Variants in TESMIN observed in about 807,000 individuals in gnomAD.
TESMIN encodes CXC domain containing 2.
Under a neutral mutation model 47.4 loss-of-function variants are expected in TESMIN, and 34 were observed. The observed-to-expected ratio is 0.72, with a 90% confidence interval of 0.55 to 0.96. The LOEUF is 0.96. Among genes scored for constraint, TESMIN ranks in the 40% least tolerant of loss-of-function variants. The probability of loss-of-function intolerance (pLI) is 0.00; values close to 1 mark genes in which losing one functional copy is unlikely to be tolerated. For synonymous variants in TESMIN, 278 were observed against 258.9 expected (o/e 1.07, Z -0.71); for missense variants, 610 against 637.2 (o/e 0.96, Z 0.46).
chr11:68,713,993 G>C (rs1375511008), intron 7 of TESMIN, among the ~76,000 whole-genome samples: 3 of 152,052 alleles, frequency 2.0e-5, no homozygotes, highest in Admixed American at 2.0e-4. Context: ...TCAACCGCTG[G>C]GCCATGCCTT....
rs57435562 is a variant in TESMIN at position 68,743,234 on chromosome 11, CTTT to C, written c.752-843_752-841del. ...CATCTATTGGATACCACAGGAACTA[CTTT>C]TTTTTTTTTTTTTTTTTTTGAGACA... On this transcript the variant is annotated intron_variant, in intron 4 of 9. Transcript: ENST00000255087. Among the ~76,000 whole-genome samples the C allele has an allele frequency of 8.8e-3, 1,083 of 123,028 alleles. 12 individuals carry two copies. The highest frequency in any genetic ancestry group is 0.031 in the African/African-American group (1,019 of 32,868). The allele number at this position is 123,028 out of a possible 152,430, so 80.7% of individuals were successfully genotyped here.
At chr11:68,717,861 A>T (rs1038650677) in intron 6 of TESMIN, among the ~76,000 whole-genome samples, 1 of 152,154 alleles carries the variant, frequency 6.6e-6, no homozygotes, top group African/African-American at 2.4e-5. Context: ...GGCGTGGGAT[A>T]TGATAATGAA....
chr11:68,734,705 A>G (rs1946367111), intron 6 of TESMIN, among the ~76,000 whole-genome samples: 2 of 152,334 alleles, frequency 1.3e-5, no homozygotes, highest in South Asian at 4.1e-4. Flanking sequence ...CCCCAGAGCT[A>G]GAACAGCACC....
At chr11:68,718,313 A>G (rs1012137313) in intron 6 of TESMIN, among the ~76,000 whole-genome samples, 9 of 152,230 alleles carry the variant, frequency 5.9e-5, no homozygotes, top group African/African-American at 2.2e-4. Flanking sequence ...CTAGGAGGAA[A>G]GTGGTATCAA....
At chr11:68,710,818 C>T in intron 9 of TESMIN, 56 bp downstream of exon 9, 1 of 1,469,960 alleles carries the variant, frequency 6.8e-7, no homozygotes, top group Non-Finnish European at 9.2e-7. Context: ...CGTTAATTCT[C>T]CTCTCAAATT....
chr11:68,751,164 C>CA (rs1247252422), intron 1 of TESMIN, among the ~76,000 whole-genome samples: 1 of 55,498 alleles, frequency 1.8e-5, no homozygotes, highest in Non-Finnish European at 3.3e-5. Flanking sequence ...AGGGGCCGGC[C>CA]GGGGTGGGGG....
chr11:68,715,939 C>T lies in TESMIN; in HGVS notation c.918G>A (p.Gly306=), dbSNP rs773523400. The change falls in exon 7 of 10, where the codon GGG becomes GGA. Residue 306 remains glycine, a splice_region_variant and synonymous_variant. Coordinates refer to ENST00000255087, the MANE Select transcript of TESMIN (RefSeq NM_004923.3). ...LPGPPKITLA[G]YCDCFASGDF... ...CCCCACTGGCAAAGCAGTCACAGTA[C>T]CTGTGAAGGAAAGGACAGAGTGAGT... 3 of 1,593,808 alleles carry T rather than the reference C, an allele frequency of 1.9e-6. No individual in the cohort carries two copies. The highest frequency in any genetic ancestry group is 2.7e-5 in the African/African-American group (2 of 74,446).
At chr11:68,729,415 C>G (rs1027061168) in intron 6 of TESMIN, among the ~76,000 whole-genome samples, 1 of 151,718 alleles carries the variant, frequency 6.6e-6, no homozygotes, top group Non-Finnish European at 1.5e-5. Flanking sequence ...ATCCCAGCTA[C>G]TTGGGAGGCT....
Position 68,707,722 on chromosome 11 carries a change from CG to C in TESMIN, c.*585del. 2 of 426,030 alleles carry C rather than the reference CG, an allele frequency of 4.7e-6. No homozygotes were observed. Among genetic ancestry groups the C allele is most frequent in the African/African-American group, 2.0e-5 (1 of 49,416 alleles). The allele number at this position is 426,030 out of a possible 1,614,324, so 26.4% of individuals were successfully genotyped here. ...GCGAGGCCCCATTGCCTGCGTCTCCCGGGGGCCTTAGGAAAGACTGACAGTT... is the reference window on the plus strand; with the variant it reads ...GCGAGGCCCCATTGCCTGCGTCTCCCGGGGCCTTAGGAAAGACTGACAGTT... On this transcript the variant is annotated 3_prime_UTR_variant, in exon 10 of 10. Coordinates refer to ENST00000255087, the MANE Select transcript of TESMIN (RefSeq NM_004923.3).
downstream of TESMIN, among the ~76,000 whole-genome samples, chr11:68,704,926 G>T (rs1338902027): frequency 6.6e-6 from 1 of 152,208 alleles, no homozygotes; most frequent in Admixed American, 6.5e-5. Flanking sequence ...TCCATGCAAT[G>T]ACAGTCTTCA....
chr11:68,705,327 G>A (rs1339602194), downstream of TESMIN, among the ~76,000 whole-genome samples: 4 of 152,148 alleles, frequency 2.6e-5, no homozygotes, highest in African/African-American at 9.7e-5. Flanking sequence ...GACTCCTTAC[G>A]ATAACTTGTT....
chr11:68,715,626 A>C (rs1594286283), intron 7 of TESMIN, among the ~76,000 whole-genome samples: 1 of 152,298 alleles, frequency 6.6e-6, no homozygotes, highest in Non-Finnish European at 1.5e-5. Flanking sequence ...CCACATAATA[A>C]AAGGGAAAAG....
At chr11:68,727,221 T>A (rs2513274) in intron 6 of TESMIN, among the ~76,000 whole-genome samples, 152,344 of 152,348 alleles carry the variant, frequency 1, 76,170 homozygotes, top group Non-Finnish European at 1. Context: ...TGGGCGGATC[T>A]CTTGAGGCCA....
Position 68,707,781 on chromosome 11 carries a change from A to T in TESMIN, c.*527T>A. On this transcript the variant is annotated 3_prime_UTR_variant, in exon 10 of 10. Coordinates refer to ENST00000255087, the MANE Select transcript of TESMIN (RefSeq NM_004923.3). ...CTCTGGGGAAATATCTACGCTACAG[A>T]AAATCTTTAGGTGTTCAGTAGTTCT... The T allele has an allele frequency of 2.2e-6, 1 of 454,400 alleles. No homozygotes were observed. Among genetic ancestry groups the T allele is most frequent in the South Asian group, 1.6e-5 (1 of 64,466 alleles). The allele number at this position is 454,400 out of a possible 1,614,324, so 28.1% of individuals were successfully genotyped here.
intron 4 of TESMIN, among the ~76,000 whole-genome samples, chr11:68,744,197 G>A (rs1353327881): frequency 6.6e-6 from 1 of 152,238 alleles, no homozygotes; most frequent in Non-Finnish European, 1.5e-5. Context: ...TCAAAGGCCA[G>A]TGAAACTACA....
At chr11:68,735,352 G>C (rs1946375202) in intron 6 of TESMIN, among the ~76,000 whole-genome samples, 1 of 152,178 alleles carries the variant, frequency 6.6e-6, no homozygotes, top group Non-Finnish European at 1.5e-5. Flanking sequence ...AAACTGTTCT[G>C]TTGAGGAAGT....
Position 68,708,245 on chromosome 11 carries a change from A to G in TESMIN, c.*63T>C. On this transcript the variant is annotated 3_prime_UTR_variant, in exon 10 of 10. Coordinates refer to ENST00000255087, the MANE Select transcript of TESMIN (RefSeq NM_004923.3). ...GAGCCAGCCTCATGTTCCCCTAAAC[A>G]TCCTTTCTAAACTAGAGATTTCTAG... 6.8e-7 allele frequency: 1 copy of G among 1,472,734 alleles called. No homozygotes were observed. The allele number at this position is 1,472,734 out of a possible 1,614,324, so 91.2% of individuals were successfully genotyped here. A position where few individuals can be genotyped will look rare whatever the true frequency, so the allele number is the denominator to read the frequency against.
rs900711931 is a variant in TESMIN, at chr11:68,707,727, G to C, written c.*581C>G. On this transcript the variant is annotated 3_prime_UTR_variant, in exon 10 of 10. Transcript: ENST00000255087. ...GCCCCATTGCCTGCGTCTCCCGGGG[G>C]CCTTAGGAAAGACTGACAGTTCGCG... is the stretch of plus-strand genomic sequence containing the variant. The C allele has an allele frequency of 7.0e-6, 3 of 429,766 alleles. No homozygotes were observed. Among genetic ancestry groups the C allele is most frequent in the Admixed American group, 4.8e-5 (2 of 41,374 alleles). The allele number at this position is 429,766 out of a possible 1,614,324, so 26.6% of individuals were successfully genotyped here.
chr11:68,709,063 T>TAA (rs34606064), intron 9 of TESMIN, among the ~76,000 whole-genome samples: 51 of 120,578 alleles, frequency 4.2e-4, no homozygotes, highest in African/African-American at 1.4e-3. Context: ...GACCCTGTCT[T>TAA]AAAAAAAAAA....
Sources: allele counts gnomAD v4.1 joint callset (sites outside exome capture counted in the v4.1 genomes callset), GRCh38; gene constraint gnomAD v4.1.1; transcripts MANE v1.5; gene names NCBI Gene and HGNC (gene_info 2026-07-23, HGNC 2026-07-21).